ZFHX3: variants seen among roughly 807,000 people sequenced by gnomAD.
ZFHX3 encodes zinc finger homeobox protein 3.
ZFHX3 carries 42 observed loss-of-function variants against 279.1 expected under a neutral mutation model. That is an observed-to-expected ratio of 0.15 (90% confidence interval 0.12 to 0.19). The LOEUF is 0.19. Ranked by LOEUF, ZFHX3 falls within the 10% of genes least tolerant of loss-of-function variation. The pLI is 1.00. For missense variants in ZFHX3, 4,981 were observed against 4,754.0 expected (o/e 1.05, Z -1.40); for synonymous variants, 2,293 against 1,957.8 (o/e 1.17, Z -4.52).
chr16:73,049,482 G>A (rs939246303), upstream of ZFHX3, among the ~76,000 whole-genome samples: 1 of 152,196 alleles, frequency 6.6e-6, no homozygotes, highest in African/African-American at 2.4e-5. Flanking sequence ...CGTATAGAAG[G>A]CTTTTTGCAC....
chr16:73,881,310 G>A (rs191548030), intron 1 of ZFHX3, among the ~76,000 whole-genome samples: 2 of 152,226 alleles, frequency 1.3e-5, no homozygotes, highest in East Asian at 3.9e-4. Context: ...ACGACATGCA[G>A]GAGAATTCTC....
intron 5 of ZFHX3, among the ~76,000 whole-genome samples, chr16:73,256,189 G>C (rs577049513): frequency 1.3e-5 from 2 of 152,206 alleles, no homozygotes; most frequent in African/African-American, 4.8e-5. Flanking sequence ...TTCAATTGCA[G>C]TCAAGGGAGG....
intron 3 of ZFHX3, among the ~76,000 whole-genome samples, chr16:73,374,002 G>A (rs117818761): frequency 0.016 from 2,484 of 152,264 alleles, 35 homozygotes; most frequent in Non-Finnish European, 0.025. Flanking sequence ...GGATGAGAAC[G>A]GGGATGGAAT....
At chr16:73,739,114 G>A (rs535737961) in intron 1 of ZFHX3, among the ~76,000 whole-genome samples, 1 of 152,254 alleles carries the variant, frequency 6.6e-6, no homozygotes, top group South Asian at 2.1e-4. Flanking sequence ...TCTCCCTTTT[G>A]CTCAGCCTCT....
rs1178943646 is a variant in ZFHX3, at chr16:73,330,122, G to A, written c.-1290-11786C>T. On this transcript the variant is annotated intron_variant, in intron 3 of 17. Coordinates refer to the ZFHX3 transcript ENST00000641206. The stretch of plus-strand genomic sequence containing the variant: ...TCAAGTAGAGTCAGTATGAGCAGGC[G>A]CTCCAACAGCAGAAGGAGCCTCACA... Among the ~76,000 whole-genome samples the A allele has an allele frequency of 5.3e-5, 8 of 151,398 alleles. No individual in the cohort carries two copies. The East Asian group carries it at 5.9e-4, about 11-fold the overall frequency.
intron 2 of ZFHX3, among the ~76,000 whole-genome samples, chr16:73,515,625 ACAAAT>A (rs1313081534): frequency 6.6e-6 from 1 of 152,038 alleles, no homozygotes; most frequent in Non-Finnish European, 1.5e-5. Context: ...TTGAAGGAGA[ACAAAT>A]TCAAGAACCT....
At chr16:73,755,902 G>A (rs747270011) in intron 1 of ZFHX3, among the ~76,000 whole-genome samples, 4 of 152,172 alleles carry the variant, frequency 2.6e-5, no homozygotes, top group African/African-American at 9.7e-5. Context: ...CATCAGCGAG[G>A]CACTCGCCCC....
chr16:73,214,843 CTTTTTTTT>C (rs386385051), intron 5 of ZFHX3, among the ~76,000 whole-genome samples: 6 of 79,250 alleles, frequency 7.6e-5, no homozygotes, highest in Admixed American at 3.8e-4. Flanking sequence ...TGCTGAAGGC[CTTTTTTTT>C]TTTTTTTTTT....
intron 5 of ZFHX3, chr16:73,144,183 G>A (rs1966854707): frequency 1.1e-5 from 2 of 184,944 alleles, no homozygotes; most frequent in South Asian, 1.1e-4. Context: ...ATTGGTAGCG[G>A]GATCAGGACA....
At chr16:73,120,340 AT>A (rs1219018638) in intron 7 of ZFHX3, among the ~76,000 whole-genome samples, 12 of 151,938 alleles carry the variant, frequency 7.9e-5, no homozygotes, top group African/African-American at 2.9e-4. Context: ...ATCATAGCTC[AT>A]TGCAGCCTCA....
intron 1 of ZFHX3, among the ~76,000 whole-genome samples, chr16:73,039,873 G>T (rs1419754212): frequency 6.6e-6 from 1 of 152,108 alleles, no homozygotes; most frequent in Non-Finnish European, 1.5e-5. Flanking sequence ...AGCAGGAGGG[G>T]ACATCCCTTT....
chr16:73,384,971 G>A (rs2016873589), intron 3 of ZFHX3, among the ~76,000 whole-genome samples: 1 of 152,128 alleles, frequency 6.6e-6, no homozygotes, highest in African/African-American at 2.4e-5. Context: ...GACTTTTGCG[G>A]GGACTTCTGT....
intron 3 of ZFHX3, among the ~76,000 whole-genome samples, chr16:72,934,941 G>T (rs1960040010): frequency 6.6e-6 from 1 of 152,184 alleles, no homozygotes; most frequent in Non-Finnish European, 1.5e-5. Flanking sequence ...TGAAATCCAT[G>T]CTGTGAGTAC....
At chr16:73,331,907 C>T (rs1446912458) in intron 3 of ZFHX3, among the ~76,000 whole-genome samples, 1 of 152,124 alleles carries the variant, frequency 6.6e-6, no homozygotes, top group Non-Finnish European at 1.5e-5. Flanking sequence ...GGACAGCTAG[C>T]ATCACACAGG....
Position 72,958,588 on chromosome 16 carries a change from T to C in ZFHX3, c.1558A>G (p.Lys520Glu). 6.2e-7 allele frequency: 1 copy of C among 1,614,162 alleles called. No homozygotes were observed. The highest frequency in any genetic ancestry group is 1.1e-5 in the South Asian group (1 of 91,084). The change falls in exon 2 of 10, where the codon AAA becomes GAA. Residue 520 changes from lysine (K) to glutamate (E), a missense_variant. Coordinates refer to ENST00000268489, the MANE Select transcript of ZFHX3 (RefSeq NM_006885.4). ...EPGAAAGSSS[K>E]KDLALSNQSI... Reference sequence around the variant, plus strand: ...TGGTTTGAGAGAGCAAGGTCCTTTTTGCTGCTACTACCTGCTGCGGCCCCA... The same window carrying C: ...TGGTTTGAGAGAGCAAGGTCCTTTTCGCTGCTACTACCTGCTGCGGCCCCA...
chr16:73,243,301 TTCTTAGTGGGTATTG>T (rs1166921216), intron 5 of ZFHX3, among the ~76,000 whole-genome samples: 1 of 152,208 alleles, frequency 6.6e-6, no homozygotes, highest in Non-Finnish European at 1.5e-5. Flanking sequence ...AGAACAATAT[TTCTTAGTGGGTATTG>T]GAAGGTCTGG....
At chr16:72,833,800 C>T (rs2037121450) in intron 4 of ZFHX3, among the ~76,000 whole-genome samples, 1 of 152,088 alleles carries the variant, frequency 6.6e-6, no homozygotes, top group Non-Finnish European at 1.5e-5. Flanking sequence ...ATACGGAAGC[C>T]CACAGTAGCC....
At chr16:73,120,026 G>C (rs1160811377) in intron 7 of ZFHX3, among the ~76,000 whole-genome samples, 1 of 152,114 alleles carries the variant, frequency 6.6e-6, no homozygotes, top group African/African-American at 2.4e-5. Context: ...GGGTTTTAGT[G>C]GTTCCAGCCA....
At chr16:73,255,027 C>T (rs1020137560) in intron 5 of ZFHX3, among the ~76,000 whole-genome samples, 1 of 152,122 alleles carries the variant, frequency 6.6e-6, no homozygotes, top group Admixed American at 6.6e-5. Flanking sequence ...ATACGAACAT[C>T]AAAATGGTAG....
Sources: gnomAD v4.1 joint callset for allele counts (sites outside exome capture counted in the v4.1 genomes callset) on GRCh38, gnomAD v4.1.1 for gene constraint, MANE v1.5 for transcripts, NCBI Gene and HGNC (gene_info 2026-07-23, HGNC 2026-07-21) for gene names.